INTS4: variants seen among roughly 807,000 people sequenced by gnomAD.
INTS4 encodes the protein integrator complex subunit 4.
In INTS4, 70 loss-of-function variants were observed where a neutral mutation model predicts 119.5. That is an observed-to-expected ratio of 0.59 (90% CI 0.48 to 0.71). The LOEUF (loss-of-function observed/expected upper bound fraction) is 0.71. INTS4 is among the 30% of genes least tolerant of loss of function. The probability of loss-of-function intolerance (pLI) is 0.00; values close to 1 mark genes in which losing one functional copy is unlikely to be tolerated. For missense variants in INTS4, 867 were observed against 1,173.2 expected (o/e 0.74, Z 3.81); for synonymous variants, 316 against 419.6 (o/e 0.75, Z 3.02).
intron 21 of INTS4, among the ~76,000 whole-genome samples, chr11:77,889,895 A>G (rs1442852239): frequency 1.3e-5 from 2 of 152,174 alleles, no homozygotes; most frequent in East Asian, 3.9e-4. Flanking sequence ...CCCTTAAGTA[A>G]CCTGCCTACA....
chr11:77,929,156 G>A (rs1413737004), intron 10 of INTS4, among the ~76,000 whole-genome samples: 3 of 152,128 alleles, frequency 2.0e-5, no homozygotes, highest in Admixed American at 1.3e-4. Flanking sequence ...AGGCTGGCCT[G>A]AGCAACACAC....
intron 2 of INTS4, among the ~76,000 whole-genome samples, chr11:77,988,911 G>C (rs1480630247): frequency 2.6e-5 from 4 of 152,174 alleles, no homozygotes; most frequent in Non-Finnish European, 5.9e-5. Context: ...TGAAAAGACT[G>C]AATGCCATGT....
intron 2 of INTS4, among the ~76,000 whole-genome samples, chr11:77,982,632 C>T (rs1856292734): frequency 6.6e-6 from 1 of 152,028 alleles, no homozygotes; most frequent in African/African-American, 2.4e-5. Context: ...AAATTTCCTC[C>T]AAAGACAAAC....
intron 10 of INTS4, among the ~76,000 whole-genome samples, chr11:77,931,202 G>T (rs1483796308): frequency 1.3e-5 from 2 of 152,096 alleles, no homozygotes; most frequent in African/African-American, 4.8e-5. Flanking sequence ...TAAGCCAAAA[G>T]AAAGAAAAAG....
chr11:77,913,881 G>A (rs1953145207), intron 15 of INTS4, among the ~76,000 whole-genome samples: 1 of 152,018 alleles, frequency 6.6e-6, no homozygotes, highest in African/African-American at 2.4e-5. Context: ...AGAACCTTCT[G>A]TATGAAAGGC....
downstream of INTS4, among the ~76,000 whole-genome samples, chr11:77,877,266 A>T (rs1951625403): frequency 6.8e-6 from 1 of 146,292 alleles, no homozygotes; most frequent in Non-Finnish European, 1.5e-5. Flanking sequence ...TTAATTAATT[A>T]ATGTAAAGAG....
intron 11 of INTS4, among the ~76,000 whole-genome samples, chr11:77,927,732 A>C (rs1953543035): frequency 6.6e-6 from 1 of 152,190 alleles, no homozygotes. Context: ...GATTCACTAC[A>C]AGAATAAAAT....
chr11:77,921,907 T>G (rs1440605937), intron 13 of INTS4, among the ~76,000 whole-genome samples: 1 of 152,116 alleles, frequency 6.6e-6, no homozygotes, highest in Admixed American at 6.5e-5. Context: ...GGCAGGCACC[T>G]GTAATCCCAG....
chr11:77,947,066 T>C (rs1260855623), intron 8 of INTS4, among the ~76,000 whole-genome samples: 1 of 149,948 alleles, frequency 6.7e-6, no homozygotes, highest in Middle Eastern at 3.4e-3. Flanking sequence ...GAAGAAAGAA[T>C]TTCTGACCTT....
chr11:77,901,640 T>C, intron 17 of INTS4, 89 bp from the exon 18 acceptor site: 2 of 945,852 alleles, frequency 2.1e-6, no homozygotes, highest in Non-Finnish European at 3.3e-6. Context: ...TGACCTTAGG[T>C]GAAACTCTTA....
At chr11:77,994,525 T>G (rs1565299620) in intron 1 of INTS4, 65 bp downstream of exon 1, 7 of 1,295,742 alleles carry the variant, frequency 5.4e-6, no homozygotes, top group Non-Finnish European at 6.7e-6. Context: ...TCCGGCAAAG[T>G]GCCTGGGATT....
At chr11:77,926,056 C>T (rs968904470) in intron 11 of INTS4, among the ~76,000 whole-genome samples, 1 of 152,204 alleles carries the variant, frequency 6.6e-6, no homozygotes, top group African/African-American at 2.4e-5. Context: ...TACTCCACCT[C>T]TCTTTAGAAT....
chr11:77,883,035 C>A lies in INTS4; in HGVS notation c.2713+797G>T, dbSNP rs1483426134. 2.6e-5 allele frequency among the ~76,000 whole-genome samples: 4 copies of A among 152,064 alleles called. No homozygotes were observed. The East Asian group carries it at 7.7e-4, about 29-fold the overall frequency. On this transcript the variant is annotated intron_variant, in intron 22 of 22. Coordinates refer to ENST00000534064, the MANE Select transcript of INTS4 (RefSeq NM_033547.4). ...AGGTTGCAGTGAGCCGAGATTGCAC[C>A]ACTGCACTCCAGCCTGGGCAAGAGC... is the stretch of plus-strand genomic sequence containing the variant.
chr11:77,888,744 C>T (rs1488683322), intron 21 of INTS4, among the ~76,000 whole-genome samples: 2 of 152,022 alleles, frequency 1.3e-5, no homozygotes, highest in Admixed American at 6.5e-5. Context: ...AACAAACAAC[C>T]CCATCAAAAA....
At chr11:77,903,474 C>A in intron 17 of INTS4, 66 bp downstream of exon 17, 1 of 1,606,652 alleles carries the variant, frequency 6.2e-7, no homozygotes, top group Non-Finnish European at 8.5e-7. Context: ...AGGCCTCTGG[C>A]TCTGTCTTGG....
chr11:77,967,740 C>T (rs148791299), intron 4 of INTS4, among the ~76,000 whole-genome samples: 58 of 152,032 alleles, frequency 3.8e-4, no homozygotes, highest in Middle Eastern at 6.8e-3. Flanking sequence ...TCAGATAAAA[C>T]CAGATTGCAA....
downstream of INTS4, among the ~76,000 whole-genome samples, chr11:77,877,238 A>G (rs1219546119): frequency 1.4e-5 from 2 of 142,310 alleles, no homozygotes; most frequent in South Asian, 2.2e-4. Flanking sequence ...TAAAATGAAG[A>G]TAACAGTACC....
At chr11:77,892,217 G>A in intron 19 of INTS4, among the ~76,000 whole-genome samples, 1 of 152,120 alleles carries the variant, frequency 6.6e-6, no homozygotes, top group East Asian at 1.9e-4. Context: ...GAAACACAGT[G>A]AACGGAAGAG....
chr11:77,928,835 G>A (rs1953575347), intron 10 of INTS4, among the ~76,000 whole-genome samples: 1 of 151,996 alleles, frequency 6.6e-6, no homozygotes, highest in Non-Finnish European at 1.5e-5. Flanking sequence ...GTGACAGAAT[G>A]AGACCCTATC....
Sources: allele counts gnomAD v4.1 joint callset (sites outside exome capture counted in the v4.1 genomes callset), GRCh38; gene constraint gnomAD v4.1.1; transcripts MANE v1.5; gene names NCBI Gene and HGNC (gene_info 2026-07-23, HGNC 2026-07-21).